The following ATG10 variants were observed in gnomAD, a reference collection of about 807,000 sequenced individuals.
The protein encoded by ATG10 is autophagy related 10, also known as ubiquitin-like-conjugating enzyme ATG10.
Under a neutral mutation model 32.1 loss-of-function variants are expected in ATG10, and 30 were observed. That is an observed-to-expected ratio of 0.94 (90% CI 0.70 to 1.27). The LOEUF (loss-of-function observed/expected upper bound fraction) is 1.27, where lower values mean the gene tolerates loss of function less well. Among genes scored for constraint, ATG10 ranks in the 50% most tolerant of loss-of-function variants. The pLI is 0.00. For missense variants in ATG10, 233 were observed against 262.3 expected, an observed-to-expected ratio of 0.89 and a Z score of 0.77; for synonymous variants, 87 against 91.5, an observed-to-expected ratio of 0.95 and a Z score of 0.28.
chr5:82,066,269 A>C (rs1763939736), intron 3 of ATG10, among the ~76,000 whole-genome samples: 1 of 152,070 alleles, frequency 6.6e-6, no homozygotes, highest in Admixed American at 6.5e-5. Context: ...ATACACACTG[A>C]CTTTAAGTTG....
intron 2 of ATG10, among the ~76,000 whole-genome samples, chr5:82,049,745 A>G (rs959683434): frequency 6.6e-6 from 1 of 152,276 alleles, no homozygotes; most frequent in African/African-American, 2.4e-5. Context: ...GTTAGTAACT[A>G]GAGAGTGAGT....
At chr5:82,036,976 C>G (rs1481398071) in intron 2 of ATG10, among the ~76,000 whole-genome samples, 1 of 150,852 alleles carries the variant, frequency 6.6e-6, no homozygotes, top group Non-Finnish European at 1.5e-5. Context: ...ACTAAAAATA[C>G]AAAAATTAGC....
At chr5:82,229,347 A>ATT (rs1039182623) in intron 5 of ATG10, among the ~76,000 whole-genome samples, 7 of 152,240 alleles carry the variant, frequency 4.6e-5, no homozygotes, top group Admixed American at 2.6e-4. Context: ...ACTTTAAAAA[A>ATT]TAAGTGTTGA....
In ATG10 at chr5:82,133,737, G is replaced by A. The variant is rs1253317772; in HGVS notation, c.217-30662G>A. On this transcript the variant is annotated intron_variant, in intron 3 of 7. Coordinates refer to ENST00000282185, the MANE Select transcript of ATG10 (RefSeq NM_031482.5). Reference sequence around the variant, plus strand: ...TTTTTGGTTCCATATGAAATTTAAAGTAGTTTTTTCTAAGTCTGTGAAGAA... The same window carrying A: ...TTTTTGGTTCCATATGAAATTTAAAATAGTTTTTTCTAAGTCTGTGAAGAA... Among the ~76,000 whole-genome samples, 26 of 152,202 alleles carry A rather than the reference G, an allele frequency of 1.7e-4. 1 individual carries two copies. Among genetic ancestry groups the A allele is most frequent in the African/African-American group, 5.3e-4 (22 of 41,544 alleles).
intron 3 of ATG10, among the ~76,000 whole-genome samples, chr5:82,157,164 C>T (rs1289348372): frequency 6.6e-6 from 1 of 152,096 alleles, no homozygotes; most frequent in African/African-American, 2.4e-5. Context: ...TCAGTGGGAA[C>T]CCACGTTGGC....
At chr5:82,060,071 A>C (rs913181440) in intron 3 of ATG10, among the ~76,000 whole-genome samples, 3 of 152,218 alleles carry the variant, frequency 2.0e-5, no homozygotes, top group Non-Finnish European at 4.4e-5. Flanking sequence ...GAGGGAACTG[A>C]CACTTTCTGG....
At chr5:82,171,397 T>G (rs529168276) in intron 4 of ATG10, among the ~76,000 whole-genome samples, 2 of 152,192 alleles carry the variant, frequency 1.3e-5, no homozygotes, top group South Asian at 4.1e-4. Context: ...AGCTGATAAT[T>G]TTGAAAATAT....
At chr5:81,993,388 CTT>C (rs1205918418) in intron 2 of ATG10, among the ~76,000 whole-genome samples, 3 of 84,976 alleles carry the variant, frequency 3.5e-5, no homozygotes, top group Admixed American at 1.3e-4. Flanking sequence ...CTTTTCTTTT[CTT>C]TTTTTTTCTT....
chr5:82,183,118 C>T (rs1301867972), intron 5 of ATG10, among the ~76,000 whole-genome samples: 2 of 148,790 alleles, frequency 1.3e-5, no homozygotes, highest in Admixed American at 1.3e-4. Flanking sequence ...AAGGTAAGGA[C>T]TCAAAAAAAA....
At chr5:82,146,902 C>T (rs780071899) in intron 3 of ATG10, among the ~76,000 whole-genome samples, 162 of 152,210 alleles carry the variant, frequency 1.1e-3, no homozygotes, top group Non-Finnish European at 2.0e-3. Context: ...ATAACCTAGA[C>T]GTTGGAAATA....
intron 2 of ATG10, among the ~76,000 whole-genome samples, chr5:82,012,978 T>C (rs1406671966): frequency 2.0e-5 from 3 of 151,652 alleles, no homozygotes; most frequent in Non-Finnish European, 4.4e-5. Context: ...TTTTTTTTTT[T>C]TTGAGATGGA....
chr5:82,093,684 A>G (rs1361888438), intron 3 of ATG10, among the ~76,000 whole-genome samples: 1 of 152,192 alleles, frequency 6.6e-6, no homozygotes, highest in Non-Finnish European at 1.5e-5. Context: ...TTTTTATCAG[A>G]TGCCAGACAT....
At chr5:82,011,382 C>G (rs1389505756) in intron 2 of ATG10, among the ~76,000 whole-genome samples, 1 of 152,134 alleles carries the variant, frequency 6.6e-6, no homozygotes, top group Non-Finnish European at 1.5e-5. Context: ...TTTGTTCAGG[C>G]TATCATTATT....
chr5:82,222,644 A>G (rs1009351730), intron 5 of ATG10, among the ~76,000 whole-genome samples: 1 of 152,242 alleles, frequency 6.6e-6, no homozygotes, highest in Non-Finnish European at 1.5e-5. Flanking sequence ...TTTGCCATCA[A>G]ACAATCATCA....
At chr5:82,043,878 C>T (rs1763159180) in intron 2 of ATG10, among the ~76,000 whole-genome samples, 1 of 152,142 alleles carries the variant, frequency 6.6e-6, no homozygotes, top group South Asian at 2.1e-4. Context: ...AACCATTCAA[C>T]AAGTCTCTAG....
chr5:82,016,957 C>T lies in ATG10; in HGVS notation c.108+29279C>T, dbSNP rs544195725. 1.2e-3 allele frequency among the ~76,000 whole-genome samples: 175 copies of T among 152,124 alleles called. 2 individuals carry two copies. Among genetic ancestry groups the T allele is most frequent in the Admixed American group, 2.3e-3 (35 of 15,284 alleles). Reference sequence around the variant, plus strand: ...CGCGCACCTTAGCCTCCCACAGTGCCTGGATTACAGGCGTGAGCCACTGCG... The same window carrying T: ...CGCGCACCTTAGCCTCCCACAGTGCTTGGATTACAGGCGTGAGCCACTGCG... On this transcript the variant is annotated intron_variant, in intron 2 of 7. Transcript: ENST00000282185.
intron 3 of ATG10, among the ~76,000 whole-genome samples, chr5:82,095,109 T>C (rs1030894597): frequency 1.1e-4 from 17 of 152,092 alleles, no homozygotes; most frequent in African/African-American, 2.9e-4. Context: ...ATTTTTAAAA[T>C]GAAGATAACA....
intron 3 of ATG10, among the ~76,000 whole-genome samples, chr5:82,129,346 A>G (rs1766417243): frequency 6.6e-6 from 1 of 151,906 alleles, no homozygotes; most frequent in African/African-American, 2.4e-5. Context: ...ACTTCTGTCA[A>G]TTCATCAAAC....
chr5:82,169,017 G>A (rs753800045), intron 4 of ATG10, among the ~76,000 whole-genome samples: 1 of 152,184 alleles, frequency 6.6e-6, no homozygotes, highest in African/African-American at 2.4e-5. Context: ...ACTGTAGAAG[G>A]GGAGGAGAGT....
Sources: allele counts gnomAD v4.1 joint callset (sites outside exome capture counted in the v4.1 genomes callset), GRCh38; gene constraint gnomAD v4.1.1; transcripts MANE v1.5; gene names NCBI Gene and HGNC (gene_info 2026-07-23, HGNC 2026-07-21).